The following APBB2 variants were observed in gnomAD, a reference collection of about 807,000 sequenced individuals.
APBB2 encodes the protein amyloid beta precursor protein binding family B member 2.
A neutral mutation model predicts 82.5 loss-of-function variants in APBB2; 38 were observed. That is an observed-to-expected ratio of 0.46 (90% confidence interval 0.36 to 0.60). APBB2 has a LOEUF of 0.60. Among genes scored for constraint, APBB2 ranks in the 20% least tolerant of loss-of-function variants. APBB2 has a pLI of 0.00. For synonymous variants in APBB2, 341 were observed against 368.2 expected (o/e 0.93, Z 0.85); for missense variants, 772 against 972.3 (o/e 0.79, Z 2.74).
Position 41,214,538 on chromosome 4 carries a change from C to G in APBB2, c.-550G>C, listed in dbSNP as rs1780192949. On this transcript the variant is annotated 5_prime_UTR_variant, in exon 1 of 18. Coordinates refer to ENST00000508593, the MANE Select transcript of APBB2 (RefSeq NM_004307.2). ...TACTTGAGACCAGAACGGGCTCCGGCAACTGAGCATGCTCAGTGCCGTTCC... is the reference window on the plus strand; with the variant it reads ...TACTTGAGACCAGAACGGGCTCCGGGAACTGAGCATGCTCAGTGCCGTTCC... 1 of 152,312 alleles carries G rather than the reference C, an allele frequency of 6.6e-6. No homozygotes were observed. The highest frequency in any genetic ancestry group is 2.1e-4 in the South Asian group (1 of 4,834). 9.4% of individuals were successfully genotyped at this position (152,312 alleles called of 1,614,324 possible).
At chr4:40,891,993 C>T (rs1415596449) in intron 11 of APBB2, among the ~76,000 whole-genome samples, 1 of 151,028 alleles carries the variant, frequency 6.6e-6, no homozygotes, top group Non-Finnish European at 1.5e-5. Flanking sequence ...ACTTTGTCAC[C>T]CAGGCTGGAG....
chr4:40,975,272 G>A (rs1378417696), intron 6 of APBB2, among the ~76,000 whole-genome samples: 2 of 152,218 alleles, frequency 1.3e-5, no homozygotes, highest in Non-Finnish European at 2.9e-5. Flanking sequence ...TAAGGGCCCA[G>A]AGAGTCTTCA....
chr4:40,953,856 T>A lies in APBB2; in HGVS notation c.836-8783A>T, dbSNP rs568311589. Reference sequence around the variant, plus strand: ...CCTTTCAAAGGGGCTCTGCGGCTCTTCGTAATTTGTGCTTTTTGTTCTTTT... The same window carrying A: ...CCTTTCAAAGGGGCTCTGCGGCTCTACGTAATTTGTGCTTTTTGTTCTTTT... On this transcript the variant is annotated intron_variant, in intron 6 of 17. Transcript: ENST00000508593. 7.2e-5 allele frequency among the ~76,000 whole-genome samples: 11 copies of A among 152,238 alleles called. No homozygotes were observed. The East Asian group carries it at 1.4e-3, about 19-fold the overall frequency.
intron 12 of APBB2, among the ~76,000 whole-genome samples, chr4:40,852,792 C>T (rs781258477): frequency 3.3e-5 from 5 of 152,116 alleles, no homozygotes; most frequent in African/African-American, 9.7e-5. Context: ...AGGCATGTGC[C>T]ACCATGCCCA....
chr4:41,009,802 T>C (rs1168247765), intron 6 of APBB2, among the ~76,000 whole-genome samples: 2 of 152,204 alleles, frequency 1.3e-5, no homozygotes, highest in African/African-American at 4.8e-5. Context: ...CTTTCAACTG[T>C]TGGTATTTGT....
intron 10 of APBB2, among the ~76,000 whole-genome samples, chr4:40,922,660 G>C (rs1321517408): frequency 6.6e-6 from 1 of 152,188 alleles, no homozygotes; most frequent in Non-Finnish European, 1.5e-5. Flanking sequence ...GGCCAGGCTG[G>C]AGTGCAGTGG....
intron 3 of APBB2, among the ~76,000 whole-genome samples, chr4:41,088,299 A>G (rs888460434): frequency 3.3e-5 from 5 of 152,186 alleles, no homozygotes; most frequent in Non-Finnish European, 7.3e-5. Flanking sequence ...GGTCACCACA[A>G]AGTGGTTTCT....
At chr4:41,101,389 G>C (rs951722452) in intron 2 of APBB2, among the ~76,000 whole-genome samples, 5 of 142,064 alleles carry the variant, frequency 3.5e-5, no homozygotes, top group African/African-American at 1.3e-4. Context: ...GCGTGAACCC[G>C]GGAAGCGGAG....
At chr4:40,944,249 ACAC>A (rs1451962833) in intron 7 of APBB2, among the ~76,000 whole-genome samples, 1 of 152,234 alleles carries the variant, frequency 6.6e-6, no homozygotes, top group Admixed American at 6.5e-5. Flanking sequence ...ATACTAATAA[ACAC>A]CACAATGACA....
chr4:40,887,982 G>C (rs1173695931), intron 12 of APBB2, among the ~76,000 whole-genome samples: 1 of 152,160 alleles, frequency 6.6e-6, no homozygotes, highest in Non-Finnish European at 1.5e-5. Context: ...GAACTCATTA[G>C]GGTCTGGAAC....
At chr4:41,214,294 G>A (rs1173931167) in intron 1 of APBB2, 111 bp downstream of exon 1, 3 of 152,294 alleles carry the variant, frequency 2.0e-5, no homozygotes, top group East Asian at 1.9e-4. Flanking sequence ...AAGCCGCCGG[G>A]GGAACCCGCA....
intron 1 of APBB2, among the ~76,000 whole-genome samples, chr4:41,168,744 G>A (rs1767416699): frequency 3.3e-5 from 5 of 152,158 alleles, no homozygotes; most frequent in Admixed American, 3.3e-4. Context: ...CTACTCTTCA[G>A]TTAGGAAGAT....
intron 11 of APBB2, 91 bp downstream of exon 11, chr4:40,893,174 C>T: frequency 6.7e-7 from 1 of 1,503,006 alleles, no homozygotes. Context: ...CCTCGGAGCC[C>T]CTCAGTACCA....
chr4:40,944,473 C>A (rs750910355), intron 7 of APBB2, among the ~76,000 whole-genome samples: 6 of 152,142 alleles, frequency 3.9e-5, no homozygotes, highest in Admixed American at 1.3e-4. Context: ...TAATAAGATA[C>A]GCAGTAATTA....
rs572640349 is a variant in APBB2, at chr4:41,035,442, T to C, written c.-50-2138A>G. ...AAGTGATGCCTCCTCTGTGCTCCTC[T>C]GTCTTTGCCCTATAACTTTCTGCTC... On this transcript the variant is annotated intron_variant, in intron 4 of 17. Transcript: ENST00000508593. Among the ~76,000 whole-genome samples, 60 of 152,376 alleles carry C rather than the reference T, an allele frequency of 3.9e-4. No individual in the cohort carries two copies. In the Middle Eastern group the frequency reaches 0.01, roughly 26 times the overall value.
intron 2 of APBB2, among the ~76,000 whole-genome samples, chr4:41,126,599 G>T (rs556643178): frequency 6.6e-6 from 1 of 152,142 alleles, no homozygotes; most frequent in Non-Finnish European, 1.5e-5. Context: ...AGTTTGATAG[G>T]ACTGCCATAA....
intron 12 of APBB2, among the ~76,000 whole-genome samples, chr4:40,875,986 GT>G (rs1766804790): frequency 6.6e-6 from 1 of 152,204 alleles, no homozygotes; most frequent in African/African-American, 2.4e-5. Context: ...GTACATGTGT[GT>G]TTGTGTATGT....
chr4:41,151,851 C>T (rs1274148279), intron 1 of APBB2, among the ~76,000 whole-genome samples: 1 of 151,520 alleles, frequency 6.6e-6, no homozygotes, highest in Non-Finnish European at 1.5e-5. Context: ...CTTCCCTTAT[C>T]GGCCCATAAA....
intron 3 of APBB2, among the ~76,000 whole-genome samples, chr4:41,069,044 T>A (rs1464593888): frequency 6.6e-6 from 1 of 152,174 alleles, no homozygotes; most frequent in African/African-American, 2.4e-5. Flanking sequence ...TCTGCCCGCC[T>A]CGGCCTCCCA....
Sources: allele counts gnomAD v4.1 joint callset (sites outside exome capture counted in the v4.1 genomes callset), GRCh38; gene constraint gnomAD v4.1.1; transcripts MANE v1.5; gene names NCBI Gene and HGNC (gene_info 2026-07-23, HGNC 2026-07-21).